DACH2: variants seen among roughly 807,000 people sequenced by gnomAD.
The protein encoded by DACH2 is dachshund family transcription factor 2, also known as dachshund homolog 2.
A neutral mutation model predicts 35.8 loss-of-function variants in DACH2; 17 were observed. The observed-to-expected ratio is 0.48, with a 90% CI of 0.33 to 0.71. DACH2 has a LOEUF of 0.71. DACH2 is among the 30% of genes least tolerant of loss of function. The probability of loss-of-function intolerance (pLI) is 0.02; values close to 1 mark genes in which losing one functional copy is unlikely to be tolerated. For synonymous variants in DACH2, 195 were observed against 177.3 expected (o/e 1.10, Z -0.79); for missense variants, 469 against 472.7 (o/e 0.99, Z 0.07).
In DACH2 at chrX:86,249,074, A is replaced by G. The variant is rs2033347199; in HGVS notation, c.488+99966A>G. On this transcript the variant is annotated intron_variant, in intron 1 of 11. Transcript: ENST00000373125. ...TCAACACAAAATGGATTAAAAACTT[A>G]TAGGTAAAACCTACAACTTAAAAAA... Among the ~76,000 whole-genome samples, 3 of 111,692 alleles carry G rather than the reference A, an allele frequency of 2.7e-5. No individual in the cohort carries two copies. The South Asian group carries it at 1.1e-3, about 41-fold the overall frequency.
At chrX:86,740,095 T>C (rs941022226) in intron 7 of DACH2, among the ~76,000 whole-genome samples, 1 of 111,571 alleles carries the variant, frequency 9.0e-6, no homozygotes, top group African/African-American at 3.3e-5. Context: ...AGATCTTCCT[T>C]TACTGTATCA....
chrX:86,398,355 A>AT (rs1387419755), intron 2 of DACH2, among the ~76,000 whole-genome samples: 1 of 112,065 alleles, frequency 8.9e-6, no homozygotes, highest in Non-Finnish European at 1.9e-5. Context: ...GGATTCATTG[A>AT]TTTTTTGAAG....
chrX:86,734,383 G>T (rs2041573114), intron 6 of DACH2, among the ~76,000 whole-genome samples: 1 of 110,849 alleles, frequency 9.0e-6, no homozygotes, highest in African/African-American at 3.3e-5. Flanking sequence ...CCGTTATCTA[G>T]AATATTTTTT....
At chrX:86,761,617 A>G (rs781124395) in intron 7 of DACH2, among the ~76,000 whole-genome samples, 5 of 111,820 alleles carry the variant, frequency 4.5e-5, no homozygotes, top group Non-Finnish European at 7.5e-5. Flanking sequence ...TTGCAGCACT[A>G]TTTACAATAG....
intron 3 of DACH2, among the ~76,000 whole-genome samples, chrX:86,572,946 A>G (rs1569443853): frequency 1.8e-5 from 2 of 111,629 alleles, no homozygotes; most frequent in Non-Finnish European, 3.8e-5. Flanking sequence ...TTTGTCATTG[A>G]AAAGTACCAG....
chrX:86,663,960 T>A (rs1314915802), intron 4 of DACH2, among the ~76,000 whole-genome samples: 2 of 112,345 alleles, frequency 1.8e-5, no homozygotes, highest in East Asian at 5.6e-4. Flanking sequence ...TTAGGACTGA[T>A]TTGCATCTAA....
At chrX:86,333,068 T>C (rs969832060) in intron 1 of DACH2, among the ~76,000 whole-genome samples, 2 of 111,812 alleles carry the variant, frequency 1.8e-5, no homozygotes, top group African/African-American at 6.5e-5. Flanking sequence ...ATAGAGACAG[T>C]ACCTTGTGAT....
chrX:86,317,118 A>AAG (rs1370727823), intron 1 of DACH2, among the ~76,000 whole-genome samples: 1 of 102,923 alleles, frequency 9.7e-6, no homozygotes, highest in African/African-American at 3.8e-5. Flanking sequence ...CTCCATCTCA[A>AAG]AAAAAAAAAA....
chrX:86,155,698 A>G lies in DACH2; in HGVS notation c.488+6590A>G, dbSNP rs183239950. ...AGGAGGTTCAAATTTTCTCTTATTC[A>G]GCTTTCTGAAGAATATATATTTTAA... On this transcript the variant is annotated intron_variant, in intron 1 of 11. Coordinates refer to ENST00000373125, the MANE Select transcript of DACH2 (RefSeq NM_053281.3). Among the ~76,000 whole-genome samples, 746 of 111,365 alleles carry G rather than the reference A, an allele frequency of 6.7e-3. 9 individuals carry two copies. The highest frequency in any genetic ancestry group is 0.022 in the African/African-American group (692 of 30,907).
intron 3 of DACH2, among the ~76,000 whole-genome samples, chrX:86,645,456 T>A (rs1284320530): frequency 9.0e-6 from 1 of 110,652 alleles, no homozygotes; most frequent in Admixed American, 9.6e-5. Context: ...TTGATGGGAG[T>A]GTGAATTAGT....
chrX:86,478,542 C>CTTTTTTTTTTTTTTT (rs767463672), intron 2 of DACH2, among the ~76,000 whole-genome samples: 5 of 86,940 alleles, frequency 5.8e-5, no homozygotes, highest in Non-Finnish European at 9.2e-5. Context: ...TTTTGTTTTT[C>CTTTTTTTTTTTTTTT]TTTTTTTTTT....
At chrX:86,453,721 G>C (rs891834669) in intron 2 of DACH2, among the ~76,000 whole-genome samples, 8 of 111,182 alleles carry the variant, frequency 7.2e-5, no homozygotes, top group African/African-American at 2.6e-4. Flanking sequence ...AGGTGAGATG[G>C]GTATCTTGAA....
intron 3 of DACH2, among the ~76,000 whole-genome samples, chrX:86,571,422 T>C (rs1602658497): frequency 2.7e-5 from 3 of 110,504 alleles, no homozygotes; most frequent in African/African-American, 9.9e-5. Context: ...GCATTAGGTA[T>C]ATCTCCTAAT....
intron 7 of DACH2, among the ~76,000 whole-genome samples, chrX:86,799,500 T>C (rs931407425): frequency 9.0e-6 from 1 of 111,209 alleles, no homozygotes; most frequent in Non-Finnish European, 1.9e-5. Context: ...GCTCATCTCA[T>C]TCGGACTGGT....
intron 3 of DACH2, among the ~76,000 whole-genome samples, chrX:86,538,920 A>T (rs1174195040): frequency 9.0e-6 from 1 of 111,672 alleles, no homozygotes; most frequent in Non-Finnish European, 1.9e-5. Flanking sequence ...AAAGCTTCAA[A>T]CCAAAGAAAT....
intron 4 of DACH2, among the ~76,000 whole-genome samples, chrX:86,671,704 C>A (rs904466562): frequency 1.8e-5 from 2 of 111,781 alleles, no homozygotes; most frequent in African/African-American, 6.5e-5. Context: ...ATAAATTATC[C>A]AGTCTCAGGT....
intron 2 of DACH2, among the ~76,000 whole-genome samples, chrX:86,399,994 T>C (rs971915332): frequency 1.3e-4 from 14 of 112,000 alleles, no homozygotes; most frequent in Non-Finnish European, 2.3e-4. Flanking sequence ...TTGGTTCCAT[T>C]CTCCCTGTCA....
chrX:86,813,336 A>G, intron 9 of DACH2, 59 bp downstream of exon 9: 1 of 1,033,930 alleles, frequency 9.7e-7, no homozygotes, highest in East Asian at 3.2e-5. Flanking sequence ...TTTCAATACT[A>G]ATGGAAATAT....
At chrX:86,451,824 G>T (rs1243852842) in intron 2 of DACH2, among the ~76,000 whole-genome samples, 1 of 110,739 alleles carries the variant, frequency 9.0e-6, no homozygotes, top group Non-Finnish European at 1.9e-5. Context: ...TCTTCCTGTT[G>T]GGATGCTCTT....
Sources: gnomAD v4.1 joint callset for allele counts (sites outside exome capture counted in the v4.1 genomes callset) on GRCh38, gnomAD v4.1.1 for gene constraint, MANE v1.5 for transcripts, NCBI Gene and HGNC (gene_info 2026-07-23, HGNC 2026-07-21) for gene names.